LAMA5: variants seen among roughly 807,000 people sequenced by gnomAD.
LAMA5 encodes laminin subunit alpha-5.
Under a neutral mutation model 433.4 loss-of-function variants are expected in LAMA5, and 260 were observed. The ratio of observed to expected loss-of-function variants is 0.60; its 90% CI spans 0.54 to 0.66. LAMA5 has a LOEUF of 0.66. Among genes scored for constraint, LAMA5 ranks in the 30% least tolerant of loss-of-function variants. The pLI, the probability that LAMA5 is intolerant of heterozygous loss-of-function variation, is 0.00. For missense variants in LAMA5, 5,378 were observed against 5,258.5 expected (o/e 1.02, Z -0.70); for synonymous variants, 2,620 against 2,226.6 (o/e 1.18, Z -4.97).
At chr20:62,321,330 GAGGTGCAGCCAGTGGAAGA>G (rs1987711335) in intron 48 of LAMA5, among the ~76,000 whole-genome samples, 1 of 90,676 alleles carries the variant, frequency 1.1e-5, no homozygotes, top group Non-Finnish European at 2.2e-5. Context: ...GCCAGTGGAG[GAGGTGCAGCCAGTGGAAGA>G]GGTGGGGCCA....
rs570090902 is a variant in LAMA5 at position 62,309,481 on chromosome 20, G to T, written c.10949-6C>A. On this transcript the variant is annotated splice_region_variant and splice_polypyrimidine_tract_variant and intron_variant, in intron 79 of 79. Transcript: ENST00000252999. ...GGGCTGCACGGCCATGGGCTCTGGG[G>T]GCACAGGGAAGATGGAAGAAGGCTG... The T allele has an allele frequency of 9.5e-6, 15 of 1,571,802 alleles. No homozygotes were observed. The highest frequency in any genetic ancestry group is 2.2e-4 in the Middle Eastern group (1 of 4,494).
chr20:62,345,328 ATTTT>A (rs374802968), intron 11 of LAMA5: 1 of 124,994 alleles, frequency 8.0e-6, no homozygotes, highest in African/African-American at 3.2e-5. Context: ...TTTTTTTTCT[ATTTT>A]TTTTTTATTA....
Position 62,313,097 on chromosome 20 carries a change from C to A in LAMA5, c.8946G>T (p.Leu2982=). The change falls in exon 65 of 80, where the codon CTG becomes CTT. Residue 2982 remains leucine (L), a synonymous_variant. Transcript: ENST00000252999. ...LVSYSGVLFF[L]KQQSQFLCLA... ...GGTGTGCCTGGCGCACCTGCTGCTT[C>A]AGGAAGAAGAGCACCCCGCTGTAGG... 1 of 1,609,670 alleles carries A rather than the reference C, an allele frequency of 6.2e-7. No individual in the cohort carries two copies.
At position 62,325,347 on chromosome 20, in the gene LAMA5, C is replaced by A; in HGVS notation, c.5498G>T (p.Cys1833Phe). 6.3e-7 allele frequency: 1 copy of A among 1,599,556 alleles called. No individual in the cohort carries two copies. ...TGAGTCCCCCCGGTAGCTGGCGGGG[C>A]ACAGGCACAGCTCCACATTGCTGGC... ...ALASNVELCL[C>F]PASYRGDSCQ... The change falls in exon 41 of 80, where the codon TGC (cysteine) becomes TTC (phenylalanine). Residue 1833 changes from cysteine (C) to phenylalanine (F), a missense_variant. By Grantham distance (205) the Cys-to-Phe change is radical. Coordinates refer to ENST00000252999, the MANE Select transcript of LAMA5 (RefSeq NM_005560.6).
Position 62,338,089 on chromosome 20 carries a change from T to G in LAMA5, c.1818A>C (p.Leu606=). 6.2e-7 allele frequency: 1 copy of G among 1,604,222 alleles called. No individual in the cohort carries two copies. Among genetic ancestry groups the G allele is most frequent in the East Asian group, 2.2e-5 (1 of 44,728 alleles). Residue 606 remains leucine (L), a synonymous_variant, in exon 14 of 80, where the codon CTA becomes CTC. Transcript: ENST00000252999. ...GAGGTCCAGCAAACTCAGGCTGGCA[T>G]AGGCAGCGGCCGGCCTCATCGCAGC... ...PEGCDEAGRC[L]CQPEFAGPHC...
rs756331113 is a variant in LAMA5, at chr20:62,316,655, G to A, written c.7756+16C>T. 3.1e-5 allele frequency: 48 copies of A among 1,533,160 alleles called. No homozygotes were observed. The highest frequency in any genetic ancestry group is 4.0e-4 in the Middle Eastern group (2 of 5,054). The allele number at this position is 1,533,160 out of a possible 1,614,324, so 95.0% of individuals were successfully genotyped here. ...CCCAGCAGGCCTAAGGGCCCCCATCGGAGCCCAGCACTCACCAAGGCCCAG... is the reference window on the plus strand; with the variant it reads ...CCCAGCAGGCCTAAGGGCCCCCATCAGAGCCCAGCACTCACCAAGGCCCAG... On this transcript the variant is annotated intron_variant, in intron 57 of 79. Transcript: ENST00000252999.
rs1298698065 is a variant in LAMA5 at position 62,359,328 on chromosome 20, C to T, written c.450+3072G>A. 6.6e-6 allele frequency among the ~76,000 whole-genome samples: 1 copy of T among 152,142 alleles called. No homozygotes were observed. Among genetic ancestry groups the T allele is most frequent in the Admixed American group, 6.5e-5 (1 of 15,286 alleles). On this transcript the variant is annotated intron_variant, in intron 2 of 79. Coordinates refer to ENST00000252999, the MANE Select transcript of LAMA5 (RefSeq NM_005560.6). The surrounding 1 kb of genome is among the most constrained non-coding windows in gnomAD (Gnocchi z 4.3). ...CAGCCCCACTCACCCTGCCCAGCTCCTTACAACCTGGGCCCGCTGGGCTAG... is the reference window on the plus strand; with the variant it reads ...CAGCCCCACTCACCCTGCCCAGCTCTTTACAACCTGGGCCCGCTGGGCTAG...
rs532535226 is a variant in LAMA5 at position 62,320,819 on chromosome 20, C to T, written c.6568G>A (p.Glu2190Lys). 6.3e-5 allele frequency: 101 copies of T among 1,612,658 alleles called. No individual in the cohort carries two copies. The highest frequency in any genetic ancestry group is 7.2e-5 in the Non-Finnish European group (85 of 1,179,892). ...CTGGCATTGATGCCACGCAGTTGCT[C>T]GTGAATGGCGGGGAGGAGGGCGCCG... ...RAGALLPAIH[E>K]QLRGINASSM... is the part of the protein sequence containing the mutation. The change falls in exon 49 of 80, where the codon GAG becomes AAG. Residue 2190 changes from glutamate (E) to lysine (K), a missense_variant. Coordinates refer to ENST00000252999, the MANE Select transcript of LAMA5 (RefSeq NM_005560.6).
Position 62,367,034 on chromosome 20 carries a change from C to T in LAMA5, c.212G>A (p.Arg71His). Residue 71 changes from arginine to histidine, a missense_variant, in exon 1 of 80, where the codon CGC (arginine) becomes CAC (histidine). Transcript: ENST00000252999. ...GTCCTCGGTGGGGCGCGGGGAGCCG[C>T]GCGCCGGGGCCTCCTCTCCGCAGGT... ...SATCGEEAPARGSPRPTEDLY... is the reference protein window; with the variant it reads ...SATCGEEAPAHGSPRPTEDLY... 10 of 1,258,524 alleles carry T rather than the reference C, an allele frequency of 7.9e-6. No individual in the cohort carries two copies. Among genetic ancestry groups the T allele is most frequent in the Non-Finnish European group, 9.9e-6 (10 of 1,008,996 alleles). The allele number at this position is 1,258,524 out of a possible 1,614,324, so 78.0% of individuals were successfully genotyped here.
Position 62,310,055 on chromosome 20 carries a change from T to TG in LAMA5, c.10760dup (p.Gly3588ArgfsTer15), listed in dbSNP as rs757978378. On this transcript the variant is annotated frameshift_variant, in exon 78 of 80. Coordinates refer to ENST00000252999, the MANE Select transcript of LAMA5 (RefSeq NM_005560.6). LOFTEE classifies it high-confidence loss of function. ...GGGTCACTGACGTGGAGAACTCCCC[T>TG]GCTCCGTCATCCGCCCGCAGCAGGA... is the stretch of plus-strand genomic sequence containing the variant. 1 of 1,611,296 alleles carries TG rather than the reference T, an allele frequency of 6.2e-7. No homozygotes were observed. The highest frequency in any genetic ancestry group is 1.7e-5 in the Admixed American group (1 of 59,984).
Position 62,312,516 on chromosome 20 carries a change from G to T in LAMA5, c.9244C>A (p.Pro3082Thr), listed in dbSNP as rs1986408720. 6.3e-7 allele frequency: 1 copy of T among 1,599,132 alleles called. No individual in the cohort carries two copies. Residue 3082 changes from proline to threonine, a missense_variant, in exon 68 of 80, where the codon CCC becomes ACC. Physicochemically the swap from Pro to Thr is conservative, Grantham distance 38 (BLOSUM62 -1). Coordinates refer to ENST00000252999, the MANE Select transcript of LAMA5 (RefSeq NM_005560.6). ...CAGCCACGGACTGAGCCTCCGGTGGGGAAGAGCCGTCGCAGGCTGTGGGGA... is the reference window on the plus strand; with the variant it reads ...CAGCCACGGACTGAGCCTCCGGTGGTGAAGAGCCGTCGCAGGCTGTGGGGA... The part of the protein sequence containing the change: ...QLPPSLRRLF[P>T]TGGSVRGCVK...
intron 52 of LAMA5, 80 bp downstream of exon 52, chr20:62,318,763 C>T (rs1285158701): frequency 3.2e-6 from 5 of 1,574,436 alleles, no homozygotes; most frequent in Non-Finnish European, 3.4e-6. Context: ...CACCTGATGC[C>T]ACTCCATGCT....
intron 6 of LAMA5, 125 bp from the exon 7 acceptor site, chr20:62,347,153 C>CG (rs926301248): frequency 1.5e-6 from 1 of 686,874 alleles, no homozygotes; most frequent in African/African-American, 1.8e-5. Context: ...CACGGCCCCC[C>CG]GCTGCTGTTT....
chr20:62,357,380 C>T (rs1049452411), intron 2 of LAMA5, among the ~76,000 whole-genome samples: 5 of 152,188 alleles, frequency 3.3e-5, no homozygotes, highest in South Asian at 2.1e-4. Context: ...GACAGGGCAC[C>T]GGGGCACCCA....
At chr20:62,337,532 C>T (rs1981867765) in intron 16 of LAMA5, 58 bp downstream of exon 16, 2 of 1,553,804 alleles carry the variant, frequency 1.3e-6, no homozygotes, top group South Asian at 2.4e-5. Flanking sequence ...AGCGTGTGAA[C>T]AGCACAGACC....
chr20:62,354,672 C>A (rs1215388469), intron 2 of LAMA5, among the ~76,000 whole-genome samples: 1 of 152,116 alleles, frequency 6.6e-6, no homozygotes, highest in East Asian at 1.9e-4. Context: ...CCAAGCAGCA[C>A]CCCGCCTTCA....
At chr20:62,362,322 T>C in intron 2 of LAMA5, 78 bp downstream of exon 2, 1 of 1,333,622 alleles carries the variant, frequency 7.5e-7, no homozygotes. Flanking sequence ...CCTCGCCTTC[T>C]GGTCCTGTGG....
At position 62,310,101 on chromosome 20, in the gene LAMA5, G is replaced by C; in HGVS notation, c.10735-20C>G. 6.2e-7 allele frequency: 1 copy of C among 1,610,890 alleles called. No individual in the cohort carries two copies. The highest frequency in any genetic ancestry group is 1.7e-5 in the Admixed American group (1 of 59,968). On this transcript the variant is annotated intron_variant, in intron 77 of 79. Transcript: ENST00000252999. ...CAGGACCTGGCGGGGTAGGAAGGGA[G>C]GGTCAGGCTATGCCCCCGAGGTCAC...
chr20:62,363,647 G>T (rs941119053), intron 1 of LAMA5, among the ~76,000 whole-genome samples: 1 of 152,106 alleles, frequency 6.6e-6, no homozygotes, highest in Non-Finnish European at 1.5e-5. Context: ...TCCCAGGCTT[G>T]GGGTTGATTG....
Sources: gnomAD v4.1 joint callset for allele counts (sites outside exome capture counted in the v4.1 genomes callset) on GRCh38, gnomAD v4.1.1 for gene constraint, Gnocchi (gnomAD v3.1) non-coding constraint, MANE v1.5 for transcripts, NCBI Gene and HGNC (gene_info 2026-07-23, HGNC 2026-07-21) for gene names.